Variants in ETV6 observed in about 807,000 individuals in gnomAD.
ETV6 encodes the protein ETS variant transcription factor 6, also known as transcription factor ETV6.
In ETV6, 16 loss-of-function variants were observed where a neutral mutation model predicts 51.1. That is an observed-to-expected ratio of 0.31 (90% CI 0.21 to 0.48). The LOEUF (loss-of-function observed/expected upper bound fraction) is 0.48. Among genes scored for constraint, ETV6 ranks in the 20% least tolerant of loss-of-function variants. The probability of loss-of-function intolerance (pLI) is 0.99; values close to 1 mark genes in which losing one functional copy is unlikely to be tolerated. For missense variants in ETV6, 458 were observed against 594.8 expected (o/e 0.77, Z 2.39); for synonymous variants, 240 against 224.1 (o/e 1.07, Z -0.64).
At chr12:11,888,398 C>CTTTTCTTTTCTTTTTTTTT (rs753710183) in intron 7 of ETV6, among the ~76,000 whole-genome samples, 1 of 80,686 alleles carries the variant, frequency 1.2e-5, no homozygotes, top group Non-Finnish European at 2.5e-5. Context: ...CTTTTCTTTT[C>CTTTTCTTTTCTTTTTTTTT]TTTTTTTTTT....
chr12:11,812,057 T>G (rs971413343), intron 2 of ETV6, among the ~76,000 whole-genome samples: 1 of 152,168 alleles, frequency 6.6e-6, no homozygotes, highest in Non-Finnish European at 1.5e-5. Context: ...TAAGCCTTGG[T>G]TTTAGTCTAC....
chr12:11,649,714 A>G lies in ETV6; in HGVS notation c.-414A>G, dbSNP rs1863852040. ...CTGAAACTCTCAAGATCAATGAGCA[A>G]AGAGCTTTCTCAGTTCTGCCTTTCA... On this transcript the variant is annotated 5_prime_UTR_variant, in exon 1 of 8. Coordinates refer to ENST00000396373, the MANE Select transcript of ETV6 (RefSeq NM_001987.5). 6.6e-6 allele frequency: 1 copy of G among 151,934 alleles called. No homozygotes were observed. Among genetic ancestry groups the G allele is most frequent in the East Asian group, 1.7e-4 (1 of 5,928 alleles). The allele number at this position is 151,934 out of a possible 1,614,324, so 9.4% of individuals were successfully genotyped here.
At chr12:11,768,460 G>T (rs1394504715) in intron 2 of ETV6, among the ~76,000 whole-genome samples, 1 of 152,184 alleles carries the variant, frequency 6.6e-6, no homozygotes, top group Non-Finnish European at 1.5e-5. Context: ...CAAGGCCACA[G>T]AACTGGCTGG....
intron 5 of ETV6, among the ~76,000 whole-genome samples, chr12:11,870,998 C>T (rs1946872919): frequency 6.6e-6 from 1 of 152,088 alleles, no homozygotes; most frequent in Admixed American, 6.5e-5. Context: ...ACTGAAGTGA[C>T]TGTGCTTTCG....
At chr12:11,879,042 A>G (rs1167390078) in intron 5 of ETV6, among the ~76,000 whole-genome samples, 1 of 152,064 alleles carries the variant, frequency 6.6e-6, no homozygotes, top group Non-Finnish European at 1.5e-5. Context: ...ATGCCTCCAG[A>G]TATTGCCACA....
chr12:11,787,216 T>G (rs1945500459), intron 2 of ETV6, among the ~76,000 whole-genome samples: 1 of 152,220 alleles, frequency 6.6e-6, no homozygotes, highest in South Asian at 2.1e-4. Context: ...GTAACTGCTC[T>G]TGAGTAAGCA....
At chr12:11,860,815 C>T (rs1946705552) in intron 4 of ETV6, among the ~76,000 whole-genome samples, 1 of 152,054 alleles carries the variant, frequency 6.6e-6, no homozygotes, top group Non-Finnish European at 1.5e-5. Context: ...GTTGGTTTTT[C>T]CTTCCACTTT....
chr12:11,715,961 G>A (rs943030359), intron 1 of ETV6, among the ~76,000 whole-genome samples: 2 of 152,200 alleles, frequency 1.3e-5, no homozygotes, highest in African/African-American at 4.8e-5. Context: ...TCTTTGACCT[G>A]ATGGTGTTAA....
chr12:11,722,460 CTTTCT>C (rs1675062297), intron 1 of ETV6, among the ~76,000 whole-genome samples: 1 of 152,188 alleles, frequency 6.6e-6, no homozygotes, highest in African/African-American at 2.4e-5. Flanking sequence ...GGAAGCAAAG[CTTTCT>C]TTTAAGTTTC....
chr12:11,752,367 C>T, intron 1 of ETV6, 83 bp from the exon 2 acceptor site: 1 of 1,493,774 alleles, frequency 6.7e-7, no homozygotes, highest in Non-Finnish European at 9.1e-7. Flanking sequence ...TTTTGCTCCC[C>T]ACCCCGAGAT....
rs1030514822 is a variant in ETV6 at position 11,670,329 on chromosome 12, T to C, written c.33+20169T>C. On this transcript the variant is annotated intron_variant, in intron 1 of 7. Transcript: ENST00000396373. ...AGTAAAAGCTTAAAAATTACCCTTT[T>C]CTTTGTAAGTGATATGAGTCTTACT... is the stretch of plus-strand genomic sequence containing the variant. 5.3e-5 allele frequency among the ~76,000 whole-genome samples: 8 copies of C among 152,232 alleles called. 1 individual carries two copies. Among genetic ancestry groups the C allele is most frequent in the Non-Finnish European group, 2.9e-5 (2 of 68,036 alleles).
intron 1 of ETV6, among the ~76,000 whole-genome samples, chr12:11,726,103 A>G (rs1410419163): frequency 6.6e-6 from 1 of 152,222 alleles, no homozygotes; most frequent in African/African-American, 2.4e-5. Flanking sequence ...TGCCTCTTAT[A>G]TTTGGCCTAT....
chr12:11,812,521 G>A lies in ETV6; in HGVS notation c.164-26619G>A, dbSNP rs1945928433. Among the ~76,000 whole-genome samples the A allele has an allele frequency of 2.6e-5, 4 of 152,132 alleles. No individual in the cohort carries two copies. The South Asian group carries it at 8.3e-4, about 32-fold the overall frequency. ...TCCTTCCTCTCACTCCGACACTTTTGGGAGAGCCCTGGGGGTGGTTGAGTA... is the reference window on the plus strand; with the variant it reads ...TCCTTCCTCTCACTCCGACACTTTTAGGAGAGCCCTGGGGGTGGTTGAGTA... On this transcript the variant is annotated intron_variant, in intron 2 of 7. Transcript: ENST00000396373.
rs530621669 is a variant in ETV6 at position 11,853,182 on chromosome 12, G to A, written c.329-245G>A. Among the ~76,000 whole-genome samples the A allele has an allele frequency of 3.3e-5, 5 of 152,278 alleles. No individual in the cohort carries two copies. In the East Asian group the frequency reaches 9.7e-4, roughly 29 times the overall value. On this transcript the variant is annotated intron_variant, in intron 3 of 7. Transcript: ENST00000396373. Reference sequence around the variant, plus strand: ...AGCACTGGCAACGGAGCGCAACCCTGTCTCAGAAAAAAAGTATACGATTTT... The same window carrying A: ...AGCACTGGCAACGGAGCGCAACCCTATCTCAGAAAAAAAGTATACGATTTT...
chr12:11,750,881 A>G (rs1425388190), intron 1 of ETV6: 1 of 484,956 alleles, frequency 2.1e-6, no homozygotes, highest in Non-Finnish European at 4.0e-6. Flanking sequence ...AAGTTTCTCA[A>G]AATACATGTG....
chr12:11,830,418 C>T (rs745541475), intron 2 of ETV6, among the ~76,000 whole-genome samples: 5 of 152,152 alleles, frequency 3.3e-5, no homozygotes, highest in African/African-American at 9.7e-5. Context: ...TGGGAAAGTC[C>T]CTCGATTTCT....
At chr12:11,762,348 T>G (rs1945098563) in intron 2 of ETV6, among the ~76,000 whole-genome samples, 2 of 152,196 alleles carry the variant, frequency 1.3e-5, no homozygotes, top group Non-Finnish European at 2.9e-5. Context: ...CCCAACTGTG[T>G]GATTAGCGGC....
chr12:11,744,825 T>G (rs1865877066), intron 1 of ETV6, among the ~76,000 whole-genome samples: 1 of 152,034 alleles, frequency 6.6e-6, no homozygotes, highest in African/African-American at 2.4e-5. Flanking sequence ...TAGACCTCCC[T>G]GGTAACCACA....
intron 2 of ETV6, among the ~76,000 whole-genome samples, chr12:11,819,564 C>T (rs990875421): frequency 1.7e-4 from 26 of 152,234 alleles, no homozygotes; most frequent in African/African-American, 6.3e-4. Flanking sequence ...AGTTACCTCA[C>T]ATTCAACAAA....
Sources: allele counts gnomAD v4.1 joint callset (sites outside exome capture counted in the v4.1 genomes callset), GRCh38; gene constraint gnomAD v4.1.1; transcripts MANE v1.5; gene names NCBI Gene and HGNC (gene_info 2026-07-23, HGNC 2026-07-21).